Variants in TACR3 observed in about 807,000 individuals in gnomAD.
The protein encoded by TACR3 is neuromedin-K receptor.
A neutral mutation model predicts 35.0 loss-of-function variants in TACR3; 34 were observed. The observed-to-expected ratio is 0.97, with a 90% CI of 0.74 to 1.30. The LOEUF (loss-of-function observed/expected upper bound fraction) is 1.30. TACR3 is among the 50% of genes most tolerant of loss of function. TACR3 has a pLI of 0.00. For synonymous variants in TACR3, 233 were observed against 221.1 expected (o/e 1.05, Z -0.48); for missense variants, 558 against 591.7 (o/e 0.94, Z 0.59).
At chr4:103,635,641 T>A (rs1725171077) in intron 3 of TACR3, among the ~76,000 whole-genome samples, 1 of 152,026 alleles carries the variant, frequency 6.6e-6, no homozygotes, top group Non-Finnish European at 1.5e-5. Flanking sequence ...AACTAATATT[T>A]ATGCTTGAAA....
intron 4 of TACR3, 109 bp downstream of exon 4, chr4:103,591,378 T>C: frequency 7.6e-7 from 1 of 1,321,024 alleles, no homozygotes; most frequent in East Asian, 2.3e-5. Context: ...TCTTAAATTT[T>C]CCCTTCCTTC....
chr4:103,627,217 G>C (rs1338127903), intron 3 of TACR3, among the ~76,000 whole-genome samples: 3 of 140,188 alleles, frequency 2.1e-5, no homozygotes, highest in Admixed American at 7.1e-5. Flanking sequence ...AAAAGTCTAG[G>C]TATTAAAGTT....
chr4:103,706,872 T>C (rs983061898), intron 1 of TACR3, among the ~76,000 whole-genome samples: 55 of 152,220 alleles, frequency 3.6e-4, no homozygotes, highest in African/African-American at 1.2e-3. Flanking sequence ...TGCCATATAT[T>C]ACAACTTTGA....
intron 3 of TACR3, among the ~76,000 whole-genome samples, chr4:103,639,938 C>T (rs1449577027): frequency 1.3e-5 from 2 of 151,848 alleles, no homozygotes; most frequent in Non-Finnish European, 2.9e-5. Context: ...GTTTCTAGAC[C>T]TATCATAAGC....
intron 3 of TACR3, among the ~76,000 whole-genome samples, chr4:103,650,667 TAA>T (rs1215689464): frequency 0.081 from 2,380 of 29,244 alleles, 199 homozygotes; most frequent in African/African-American, 0.34. Flanking sequence ...TATATATAAA[TAA>T]ATATATATTA....
intron 3 of TACR3, among the ~76,000 whole-genome samples, chr4:103,655,166 G>A (rs1174310104): frequency 6.6e-6 from 1 of 152,090 alleles, no homozygotes; most frequent in East Asian, 1.9e-4. Context: ...CATAAATGTG[G>A]TCTAGTATTA....
chr4:103,673,460 T>C (rs1409999286), intron 1 of TACR3, among the ~76,000 whole-genome samples: 2 of 151,970 alleles, frequency 1.3e-5, no homozygotes, highest in East Asian at 1.9e-4. Flanking sequence ...AGGAAGAGAG[T>C]CAGGAGCACA....
At chr4:103,609,040 C>T (rs1203745115) in intron 3 of TACR3, among the ~76,000 whole-genome samples, 2 of 152,080 alleles carry the variant, frequency 1.3e-5, no homozygotes, top group Admixed American at 1.3e-4. Flanking sequence ...CTAAATCATA[C>T]ATATTTCATA....
rs188831257 is a variant in TACR3 at position 103,719,916 on chromosome 4, G to A, written c.-241C>T. On this transcript the variant is annotated 5_prime_UTR_variant, in exon 1 of 5. Transcript: ENST00000304883. ...CAGGCAGAAAGAATGAGATCCTCCC[G>A]AGATTAAGGGTTATCGAGTCACATC... 290 of 594,222 alleles carry A rather than the reference G, an allele frequency of 4.9e-4. 1 individual carries two copies. Among genetic ancestry groups the A allele is most frequent in the Non-Finnish European group, 6.9e-4 (231 of 334,464 alleles). The allele number at this position is 594,222 out of a possible 1,614,324, so 36.8% of individuals were successfully genotyped here. A position where few individuals can be genotyped will look rare whatever the true frequency, so the allele number is the denominator to read the frequency against.
intron 1 of TACR3, among the ~76,000 whole-genome samples, chr4:103,713,537 G>A (rs936104746): frequency 3.3e-5 from 5 of 151,018 alleles, no homozygotes; most frequent in African/African-American, 1.2e-4. Flanking sequence ...CGAGTTAATG[G>A]GTGCAGCACA....
chr4:103,627,118 G>A (rs1298262762), intron 3 of TACR3, among the ~76,000 whole-genome samples: 1 of 142,332 alleles, frequency 7.0e-6, no homozygotes, highest in African/African-American at 2.7e-5. Flanking sequence ...GGAGGCGGAG[G>A]TTGCCGTGAG....
chr4:103,667,085 C>T (rs2110334543), intron 1 of TACR3, among the ~76,000 whole-genome samples: 1 of 152,148 alleles, frequency 6.6e-6, no homozygotes, highest in East Asian at 1.9e-4. Context: ...TGTTGAAACC[C>T]CTTCTCTACT....
intron 1 of TACR3, among the ~76,000 whole-genome samples, chr4:103,685,701 T>A (rs1239465210): frequency 6.6e-6 from 1 of 152,166 alleles, no homozygotes; most frequent in African/African-American, 2.4e-5. Flanking sequence ...GAACTCCAAA[T>A]ATCTTCTCCC....
chr4:103,648,697 T>A (rs1725512810), intron 3 of TACR3, among the ~76,000 whole-genome samples: 1 of 152,134 alleles, frequency 6.6e-6, no homozygotes, highest in African/African-American at 2.4e-5. Context: ...TTGATGGACA[T>A]TTAGGTTGCT....
At chr4:103,617,809 A>G (rs1030295694) in intron 3 of TACR3, among the ~76,000 whole-genome samples, 6 of 152,198 alleles carry the variant, frequency 3.9e-5, no homozygotes, top group African/African-American at 1.4e-4. Flanking sequence ...TTAAATGTAA[A>G]CTTTCATATA....
chr4:103,609,066 T>C (rs1724452563), intron 3 of TACR3, among the ~76,000 whole-genome samples: 1 of 152,120 alleles, frequency 6.6e-6, no homozygotes, highest in Non-Finnish European at 1.5e-5. Context: ...TTGAAAGTGC[T>C]CAGAAATTGG....
chr4:103,680,346 A>C (rs1463372792), intron 1 of TACR3, among the ~76,000 whole-genome samples: 1 of 151,522 alleles, frequency 6.6e-6, no homozygotes, highest in Non-Finnish European at 1.5e-5. Flanking sequence ...GGAATGTTTA[A>C]GCTTGTTTGG....
rs1724311790 is a variant in TACR3 at position 103,604,884 on chromosome 4, G to A, written c.889-13201C>T. ...TAGGGTACATGTGCACATTGTGCAG[G>A]TTAGTTACATATGTATACATGTGCC... On this transcript the variant is annotated intron_variant, in intron 3 of 4. Transcript: ENST00000304883. 2.0e-5 allele frequency among the ~76,000 whole-genome samples: 3 copies of A among 150,598 alleles called. 1 individual carries two copies. The highest frequency in any genetic ancestry group is 2.0e-4 in the Admixed American group (3 of 15,118).
In TACR3 at chr4:103,682,289, T is replaced by G. The variant is rs558056810; in HGVS notation, c.549-23886A>C. On this transcript the variant is annotated intron_variant, in intron 1 of 4. Coordinates refer to ENST00000304883, the MANE Select transcript of TACR3 (RefSeq NM_001059.3). ...TGGGTGTATTAGTCTGTTCTCACAC[T>G]GCTATAAAGATACTACCCAAGAGTG... Among the ~76,000 whole-genome samples the G allele has an allele frequency of 7.8e-4, 118 of 152,168 alleles. 1 individual carries two copies. In the South Asian group the frequency reaches 0.024, roughly 32 times the overall value.
Sources: gnomAD v4.1 joint callset for allele counts (sites outside exome capture counted in the v4.1 genomes callset) on GRCh38, gnomAD v4.1.1 for gene constraint, MANE v1.5 for transcripts, NCBI Gene and HGNC (gene_info 2026-07-23, HGNC 2026-07-21) for gene names.